MLF1: variants seen among roughly 807,000 people sequenced by gnomAD.
MLF1 encodes the protein myelodysplasia-myeloid leukemia factor 1.
A neutral mutation model predicts 38.3 loss-of-function variants in MLF1; 37 were observed. The ratio of observed to expected loss-of-function variants is 0.96; its 90% confidence interval spans 0.74 to 1.27. The LOEUF (loss-of-function observed/expected upper bound fraction) is 1.27, where lower values mean the gene tolerates loss of function less well. MLF1 is among the 50% of genes most tolerant of loss of function. MLF1 has a pLI of 0.00. For missense variants in MLF1, 331 were observed against 349.2 expected (o/e 0.95, Z 0.42); for synonymous variants, 95 against 106.5 (o/e 0.89, Z 0.66).
intron 4 of MLF1, 55 bp from the exon 5 acceptor site, chr3:158,598,025 T>C: frequency 6.3e-7 from 1 of 1,581,238 alleles, no homozygotes; most frequent in African/African-American, 1.4e-5. Flanking sequence ...TTGAACTCTC[T>C]GGCAATAATT....
intron 1 of MLF1, among the ~76,000 whole-genome samples, chr3:158,584,720 C>CT (rs1716957964): frequency 6.9e-6 from 1 of 144,612 alleles, no homozygotes. Flanking sequence ...TATGTATATA[C>CT]CCCCCCCTAC....
At chr3:158,597,105 A>G (rs1718992810) in intron 4 of MLF1, among the ~76,000 whole-genome samples, 160 bp downstream of exon 4, 1 of 152,098 alleles carries the variant, frequency 6.6e-6, no homozygotes, top group Non-Finnish European at 1.5e-5. Context: ...ATATATTTGA[A>G]GCAAAAGTTT....
chr3:158,575,737 G>A (rs748645974), intron 1 of MLF1, among the ~76,000 whole-genome samples: 4 of 152,050 alleles, frequency 2.6e-5, no homozygotes, highest in Non-Finnish European at 4.4e-5. Flanking sequence ...TCTCTTTCTT[G>A]TAGTCAATCT....
intron 2 of MLF1, 151 bp downstream of exon 2, chr3:158,592,732 G>A (rs1718339317): frequency 6.2e-6 from 4 of 641,010 alleles, no homozygotes; most frequent in Non-Finnish European, 9.7e-6. Context: ...CTTTGGAAAG[G>A]TGAATCCTGA....
chr3:158,591,830 T>C (rs1718196930), intron 1 of MLF1, among the ~76,000 whole-genome samples: 1 of 140,268 alleles, frequency 7.1e-6, no homozygotes, highest in Non-Finnish European at 1.6e-5. Flanking sequence ...TTATGCAATA[T>C]GGGATAAATA....
intron 1 of MLF1, among the ~76,000 whole-genome samples, chr3:158,571,763 G>C (rs1406067050): frequency 2.9e-5 from 3 of 103,822 alleles, no homozygotes; most frequent in African/African-American, 1.2e-4. Context: ...CATGAGGTGG[G>C]AGGGAGGAGG....
rs1157775581 is a variant in MLF1 at position 158,605,367 on chromosome 3, C to G, written c.*165C>G. On this transcript the variant is annotated 3_prime_UTR_variant, in exon 8 of 8. Transcript: ENST00000466246. ...AAGGTCCTAGCTTTATATTGTCCCT[C>G]TTTTAGGAATAAAATTTTGATTTTC... is the stretch of plus-strand genomic sequence containing the variant. 2.3e-6 allele frequency: 1 copy of G among 443,330 alleles called. No individual in the cohort carries two copies. Among genetic ancestry groups the G allele is most frequent in the African/African-American group, 2.0e-5 (1 of 50,354 alleles). 27.5% of individuals were successfully genotyped at this position (443,330 alleles called of 1,614,324 possible).
intron 1 of MLF1, among the ~76,000 whole-genome samples, chr3:158,582,443 G>T (rs745600740): frequency 1.3e-5 from 2 of 151,960 alleles, no homozygotes; most frequent in Non-Finnish European, 2.9e-5. Context: ...TGAAGACTAA[G>T]AATTACCCCA....
At position 158,600,062 on chromosome 3, in the gene MLF1, A is replaced by C; in HGVS notation, c.502A>C (p.Lys168Gln). ...GAGAGATTCTGACAGTGGACTAGAAAAAATGGCTATTGGTCATCATATCCA... is the reference window on the plus strand; with the variant it reads ...GAGAGATTCTGACAGTGGACTAGAACAAATGGCTATTGGTCATCATATCCA... ...AMRDSDSGLE[K>Q]MAIGHHIHDR... The change falls in exon 6 of 8, where the codon AAA becomes CAA. Residue 168 changes from lysine (K) to glutamine (Q), a missense_variant. Coordinates refer to ENST00000466246, the MANE Select transcript of MLF1 (RefSeq NM_001369783.1). 1 of 1,457,176 alleles carries C rather than the reference A, an allele frequency of 6.9e-7. No individual in the cohort carries two copies. The highest frequency in any genetic ancestry group is 9.1e-7 in the Non-Finnish European group (1 of 1,096,694). 90.3% of individuals were successfully genotyped at this position (1,457,176 alleles called of 1,614,324 possible). A position where few individuals can be genotyped will look rare whatever the true frequency, so the allele number is the denominator to read the frequency against.
intron 1 of MLF1, among the ~76,000 whole-genome samples, chr3:158,584,599 A>G (rs776264984): frequency 3.3e-5 from 5 of 151,866 alleles, no homozygotes; most frequent in Non-Finnish European, 5.9e-5. Context: ...ATTTTGCCCA[A>G]TGAAGTAAAG....
At chr3:158,592,209 A>G (rs564851124) in intron 1 of MLF1, among the ~76,000 whole-genome samples, 64 of 152,348 alleles carry the variant, frequency 4.2e-4, no homozygotes, top group Non-Finnish European at 7.3e-5. Flanking sequence ...ATACCACAGT[A>G]AAGTCAAAAA....
Position 158,571,222 on chromosome 3 carries a change from A to C in MLF1, c.-79A>C. ...TGAGGCGTCGTCCGTACTGGAGGCTAGCTCTTGTCGCGGCCGCGGCGAGTT... is the reference window on the plus strand; with the variant it reads ...TGAGGCGTCGTCCGTACTGGAGGCTCGCTCTTGTCGCGGCCGCGGCGAGTT... On this transcript the variant is annotated 5_prime_UTR_variant, in exon 1 of 8. Coordinates refer to ENST00000466246, the MANE Select transcript of MLF1 (RefSeq NM_001369783.1). 5.1e-6 allele frequency: 6 copies of C among 1,176,146 alleles called. No homozygotes were observed. In the South Asian group the frequency reaches 6.4e-5, roughly 13 times the overall value. 72.9% of individuals were successfully genotyped at this position (1,176,146 alleles called of 1,614,324 possible). A position where few individuals can be genotyped will look rare whatever the true frequency, so the allele number is the denominator to read the frequency against.
rs1489269880 is a variant in MLF1 at position 158,571,323 on chromosome 3, G to C, written c.23G>C (p.Ser8Thr). 1 of 1,613,100 alleles carries C rather than the reference G, an allele frequency of 6.2e-7. No individual in the cohort carries two copies. Among genetic ancestry groups the C allele is most frequent in the Non-Finnish European group, 8.5e-7 (1 of 1,179,926 alleles). ...AGAATGTTCAGGATGCTGAACAGCAGTTTTGAGGATGACCCCTTCTTCTCG... is the reference window on the plus strand; with the variant it reads ...AGAATGTTCAGGATGCTGAACAGCACTTTTGAGGATGACCCCTTCTTCTCG... The part of the protein sequence containing the change: MFRMLNS[S>T]FEDDPFFSES... The change falls in exon 1 of 8, where the codon AGT becomes ACT. Residue 8 changes from serine to threonine, a missense_variant. By Grantham distance (58) the Ser-to-Thr change is moderately conservative (BLOSUM62 1). Transcript: ENST00000466246.
intron 6 of MLF1, among the ~76,000 whole-genome samples, chr3:158,600,724 A>G (rs1719628749): frequency 6.8e-6 from 1 of 147,488 alleles, no homozygotes; most frequent in South Asian, 2.2e-4. Context: ...TTTATTGTAA[A>G]TAAGCCATAA....
Position 158,605,318 on chromosome 3 carries a change from T to C in MLF1, c.*116T>C. 4.6e-6 allele frequency: 3 copies of C among 647,260 alleles called. No individual in the cohort carries two copies. The highest frequency in any genetic ancestry group is 7.7e-6 in the Non-Finnish European group (3 of 391,590). 40.1% of individuals were successfully genotyped at this position (647,260 alleles called of 1,614,324 possible). On this transcript the variant is annotated 3_prime_UTR_variant, in exon 8 of 8. Coordinates refer to ENST00000466246, the MANE Select transcript of MLF1 (RefSeq NM_001369783.1). ...AAATCAGTTCTGTCCTTGGCAACTTTCTTCTGATATCTGAATGTTCATGAA... is the reference window on the plus strand; with the variant it reads ...AAATCAGTTCTGTCCTTGGCAACTTCCTTCTGATATCTGAATGTTCATGAA...
At chr3:158,571,907 G>C (rs1220373241) in intron 1 of MLF1, among the ~76,000 whole-genome samples, 1 of 22,424 alleles carries the variant, frequency 4.5e-5, no homozygotes, top group Non-Finnish European at 8.8e-5. Context: ...GGAAGGGTTT[G>C]AAAGCGTGAG....
chr3:158,590,968 A>G (rs1234513816), intron 1 of MLF1, among the ~76,000 whole-genome samples: 1 of 152,156 alleles, frequency 6.6e-6, no homozygotes, highest in East Asian at 1.9e-4. Context: ...CACTTGGAAC[A>G]ATTATGCTTT....
intron 1 of MLF1, among the ~76,000 whole-genome samples, chr3:158,578,217 T>C (rs1282807290): frequency 6.6e-6 from 1 of 152,170 alleles, no homozygotes; most frequent in East Asian, 1.9e-4. Flanking sequence ...GGCTAAGCTT[T>C]TGCCACTACC....
At chr3:158,593,483 T>A in intron 3 of MLF1, 57 bp downstream of exon 3, 1 of 1,385,884 alleles carries the variant, frequency 7.2e-7, no homozygotes. Context: ...ATATTTATTT[T>A]TCATTAACTC....
Sources: allele counts gnomAD v4.1 joint callset (sites outside exome capture counted in the v4.1 genomes callset), GRCh38; gene constraint gnomAD v4.1.1; transcripts MANE v1.5; gene names NCBI Gene and HGNC (gene_info 2026-07-23, HGNC 2026-07-21).